The following PCDH11X variants were observed in gnomAD, a reference collection of about 807,000 sequenced individuals.
PCDH11X encodes the protein protocadherin-11 X-linked.
A neutral mutation model predicts 53.3 loss-of-function variants in PCDH11X; 18 were observed. That is an observed-to-expected ratio of 0.34 (90% confidence interval 0.23 to 0.50). The LOEUF (loss-of-function observed/expected upper bound fraction) is 0.50. Among genes scored for constraint, PCDH11X ranks in the 20% least tolerant of loss-of-function variants. The probability of loss-of-function intolerance (pLI) is 0.98; values close to 1 mark genes in which losing one functional copy is unlikely to be tolerated. For synonymous variants in PCDH11X, 279 were observed against 393.3 expected (o/e 0.71, Z 3.44); for missense variants, 570 against 1,032.4 (o/e 0.55, Z 6.14).
At position 92,148,177 on chromosome X, in the gene PCDH11X, T is replaced by TTCC. The variant is rs1569389547; in HGVS notation, c.3034-53197_3034-53196insCCT. On this transcript the variant is annotated intron_variant, in intron 6 of 10. Coordinates refer to ENST00000682573, the MANE Select transcript of PCDH11X (RefSeq NM_032968.5). ...CCTTCCTTCCTTCCTTCCTTCCTTC[T>TTCC]TTCTTTCTTTCTTTCTTTCTTTCTT... Among the ~76,000 whole-genome samples the TTCC allele has an allele frequency of 2.5e-3, 62 of 24,366 alleles. 8 individuals carry two copies. Among genetic ancestry groups the TTCC allele is most frequent in the African/African-American group, 0.013 (60 of 4,606 alleles). 21.2% of individuals were successfully genotyped at this position (24,366 alleles called of 115,157 possible). A position where few individuals can be genotyped will look rare whatever the true frequency, so the allele number is the denominator to read the frequency against.
chrX:91,997,035 T>C (rs1403789743), intron 6 of PCDH11X, among the ~76,000 whole-genome samples: 1 of 99,884 alleles, frequency 1.0e-5, no homozygotes, highest in East Asian at 3.2e-4. Context: ...TAGTTAGTTG[T>C]TAGTATATAA....
intron 6 of PCDH11X, among the ~76,000 whole-genome samples, chrX:92,150,976 G>A (rs1297296866): frequency 9.0e-6 from 1 of 110,673 alleles, no homozygotes; most frequent in Non-Finnish European, 1.9e-5. Context: ...TTGTTTGCTT[G>A]TATTTTGCTT....
chrX:91,991,651 G>A (rs1429268238), intron 6 of PCDH11X, among the ~76,000 whole-genome samples: 2 of 105,454 alleles, frequency 1.9e-5, no homozygotes, highest in Admixed American at 1.0e-4. Flanking sequence ...CAGGAACTTG[G>A]TGTGTTCTTT....
chrX:91,877,902 C>T lies in PCDH11X; in HGVS notation c.1662C>T (p.Val554=). 1 of 1,211,698 alleles carries T rather than the reference C, an allele frequency of 8.3e-7. No individual in the cohort carries two copies. Among genetic ancestry groups the T allele is most frequent in the Non-Finnish European group, 1.1e-6 (1 of 895,446 alleles). ...GGGTACCACCCTTAACCAGCAATGT[C>T]ACAGTCTTTGTAAGCATTATTGATC... ...DNGVPPLTSN[V]TVFVSIIDQN... is the part of the protein sequence containing the mutation. Residue 554 remains valine (V), a synonymous_variant, in exon 6 of 11, where the codon GTC becomes GTT. Transcript: ENST00000682573.
chrX:91,950,556 A>C (rs1481121831), intron 6 of PCDH11X, among the ~76,000 whole-genome samples: 1 of 104,672 alleles, frequency 9.6e-6, no homozygotes, highest in East Asian at 3.0e-4. Flanking sequence ...ATATATATAT[A>C]TATAAATGTG....
intron 10 of PCDH11X, among the ~76,000 whole-genome samples, chrX:92,516,775 C>G (rs1300972448): frequency 1.8e-5 from 2 of 112,127 alleles, no homozygotes; most frequent in East Asian, 5.6e-4. Context: ...ATAAAACACA[C>G]AATGTCAAAC....
chrX:92,375,570 T>C (rs2070733182), intron 8 of PCDH11X, among the ~76,000 whole-genome samples: 1 of 109,192 alleles, frequency 9.2e-6, no homozygotes, highest in Non-Finnish European at 1.9e-5. Context: ...AGTTAAAGAT[T>C]ATTGCATATT....
chrX:91,797,831 C>A (rs1935789410), intron 1 of PCDH11X, among the ~76,000 whole-genome samples: 1 of 110,870 alleles, frequency 9.0e-6, no homozygotes, highest in Admixed American at 9.6e-5. Context: ...TATTATGAGT[C>A]AAAGATATTG....
At chrX:92,350,671 G>A (rs2070023164) in intron 8 of PCDH11X, among the ~76,000 whole-genome samples, 1 of 111,218 alleles carries the variant, frequency 9.0e-6, no homozygotes, top group Non-Finnish European at 1.9e-5. Flanking sequence ...GGCTTTCCTG[G>A]TATATTCCTG....
At chrX:92,339,670 G>A (rs1441801091) in intron 8 of PCDH11X, among the ~76,000 whole-genome samples, 1 of 108,766 alleles carries the variant, frequency 9.2e-6, no homozygotes, top group Admixed American at 9.9e-5. Context: ...ACTATTGTGA[G>A]GACAGAATCA....
At chrX:92,503,655 G>T (rs2750842) in intron 10 of PCDH11X, among the ~76,000 whole-genome samples, 27,274 of 102,753 alleles carry the variant, frequency 0.27, 3,888 homozygotes, top group Non-Finnish European at 0.34. Context: ...TGTTCTCACT[G>T]ATAAGTGGGA....
At chrX:92,486,337 GT>G (rs1300309543) in intron 10 of PCDH11X, among the ~76,000 whole-genome samples, 1 of 111,230 alleles carries the variant, frequency 9.0e-6, no homozygotes, top group East Asian at 2.8e-4. Context: ...TTCCCCATTA[GT>G]TTTTTATAGT....
intron 6 of PCDH11X, among the ~76,000 whole-genome samples, chrX:91,901,098 G>T (rs1488149617): frequency 1.8e-5 from 2 of 110,281 alleles, no homozygotes; most frequent in Non-Finnish European, 3.8e-5. Context: ...TAAGATTTCT[G>T]AGCCTTAGGA....
chrX:92,464,766 A>G (rs1202512951), intron 9 of PCDH11X, among the ~76,000 whole-genome samples: 1 of 109,018 alleles, frequency 9.2e-6, no homozygotes, highest in Non-Finnish European at 1.9e-5. Context: ...GGGTGATTTG[A>G]ATTATACATC....
At chrX:92,402,856 G>A (rs148757083) in intron 9 of PCDH11X, among the ~76,000 whole-genome samples, 1,506 of 111,487 alleles carry the variant, frequency 0.014, 26 homozygotes, top group African/African-American at 0.047. Flanking sequence ...CATCTATAAG[G>A]AACAACTGCT....
At chrX:92,176,127 C>T (rs1200442545) in intron 6 of PCDH11X, among the ~76,000 whole-genome samples, 1 of 111,227 alleles carries the variant, frequency 9.0e-6, no homozygotes, top group African/African-American at 3.3e-5. Context: ...GAGCAACTGA[C>T]ATATGGTGCA....
chrX:92,161,554 G>T (rs2065643734), intron 6 of PCDH11X, among the ~76,000 whole-genome samples: 1 of 110,004 alleles, frequency 9.1e-6, no homozygotes, highest in South Asian at 3.9e-4. Context: ...GTATTTGAAT[G>T]TCTAGGTCTC....
chrX:92,347,286 A>T (rs1464224689), intron 8 of PCDH11X, among the ~76,000 whole-genome samples: 4 of 111,684 alleles, frequency 3.6e-5, no homozygotes, highest in Non-Finnish European at 5.7e-5. Flanking sequence ...AATTTCAGAA[A>T]TTATAGAATA....
At chrX:92,272,305 G>C in intron 8 of PCDH11X, among the ~76,000 whole-genome samples, 1 of 111,497 alleles carries the variant, frequency 9.0e-6, no homozygotes, top group Middle Eastern at 4.6e-3. Flanking sequence ...TTTTTGGCAT[G>C]TTTTCTTGTG....
Sources: allele counts gnomAD v4.1 joint callset (sites outside exome capture counted in the v4.1 genomes callset), GRCh38; gene constraint gnomAD v4.1.1; transcripts MANE v1.5; gene names NCBI Gene and HGNC (gene_info 2026-07-23, HGNC 2026-07-21).